Variants in CECR2 observed in about 807,000 individuals in gnomAD.
CECR2 encodes CECR2 histone acetyl-lysine reader, also known as chromatin remodeling regulator CECR2.
CECR2 carries 30 observed loss-of-function variants against 154.5 expected under a neutral mutation model. The observed-to-expected ratio is 0.19, with a 90% CI of 0.15 to 0.26. The LOEUF (loss-of-function observed/expected upper bound fraction) is 0.26, where lower values mean the gene tolerates loss of function less well. Ranked by LOEUF, CECR2 falls within the 10% of genes least tolerant of loss-of-function variation. CECR2 has a pLI of 1.00. For synonymous variants in CECR2, 725 were observed against 683.7 expected (o/e 1.06, Z -0.94); for missense variants, 1,743 against 1,829.3 (o/e 0.95, Z 0.86).
In CECR2 at chr22:17,497,441, A is replaced by G. The variant is rs768839952; in HGVS notation, c.260A>G (p.Asn87Ser). ...TFHSYLEDII[N>S]YRWELEEGKP... ...CACAGCTACCTAGAGGACATCATCA[A>G]CTACCGCTGGGAGCTCGAAGAAGGG... is the stretch of plus-strand genomic sequence containing the variant. Residue 87 changes from asparagine (N) to serine (S), a missense_variant, in exon 3 of 19, where the codon AAC (asparagine) becomes AGC (serine). Physicochemically the swap from Asn to Ser is conservative, Grantham distance 46. Around this residue, in one of 4 missense-constraint regions of CECR2, gnomAD observed 98 missense variants for 169.3 expected, o/e 0.58. Transcript: ENST00000262608. 5.9e-5 allele frequency: 96 copies of G among 1,613,812 alleles called. 1 individual carries two copies. Among genetic ancestry groups the G allele is most frequent in the Non-Finnish European group, 7.5e-5 (88 of 1,179,872 alleles).
chr22:17,549,011 G>A lies in CECR2; in HGVS notation c.3724G>A (p.Ala1242Thr), dbSNP rs2056662597. The A allele has an allele frequency of 6.2e-7, 1 of 1,613,974 alleles. No individual in the cohort carries two copies. Among genetic ancestry groups the A allele is most frequent in the Middle Eastern group, 1.6e-4 (1 of 6,062 alleles). The change falls in exon 17 of 19, where the codon GCC (alanine) becomes ACC (threonine). Residue 1242 changes from alanine to threonine, a missense_variant. By Grantham distance (58) the Ala-to-Thr change is moderately conservative. Coordinates refer to ENST00000262608, the MANE Select transcript of CECR2 (RefSeq NM_001290047.2). ...AAGGTCCCTCTTCTCAGATAAGAAT[G>A]CCATGGCCAGTCTGCAAGGCTGTGA... ...PPRSLFSDKN[A>T]MASLQGCETL...
chr22:17,470,189 A>T (rs1188760135), intron 1 of CECR2, among the ~76,000 whole-genome samples: 1 of 151,850 alleles, frequency 6.6e-6, no homozygotes, highest in Non-Finnish European at 1.5e-5. Context: ...TGTAATCCCA[A>T]CACTTTGGGA....
intron 1 of CECR2, among the ~76,000 whole-genome samples, chr22:17,405,468 A>ATAAAAT (rs2053968121): frequency 7.1e-6 from 1 of 140,536 alleles, no homozygotes; most frequent in Admixed American, 7.0e-5. Context: ...TATAAAATAA[A>ATAAAAT]ATAAAATATA....
At chr22:17,504,660 C>T (rs2055803738) in intron 6 of CECR2, among the ~76,000 whole-genome samples, 187 bp from the exon 7 acceptor site, 1 of 151,050 alleles carries the variant, frequency 6.6e-6, no homozygotes, top group Non-Finnish European at 1.5e-5. Context: ...CCAGGATGGT[C>T]TCGATCTCCT....
intron 12 of CECR2, 62 bp from the exon 13 acceptor site, chr22:17,538,931 C>G (rs2056479032): frequency 3.8e-6 from 6 of 1,560,200 alleles, no homozygotes; most frequent in Non-Finnish European, 5.2e-6. Context: ...CTGTCTCTCT[C>G]TCTCTATGGA....
At chr22:17,414,042 C>T (rs774964048) in intron 1 of CECR2, among the ~76,000 whole-genome samples, 6 of 139,988 alleles carry the variant, frequency 4.3e-5, no homozygotes, top group African/African-American at 8.0e-5. Context: ...GTGCAATCTC[C>T]GCTCACTGCA....
At position 17,417,220 on chromosome 22, in the gene CECR2, A is replaced by G. The variant is rs17808658; in HGVS notation, c.126+47311A>G. 7.9e-3 allele frequency among the ~76,000 whole-genome samples: 1,196 copies of G among 152,332 alleles called. 56 individuals carry two copies. The East Asian group carries it at 0.13, about 17-fold the overall frequency. On this transcript the variant is annotated intron_variant, in intron 1 of 18. Transcript: ENST00000262608. Reference sequence around the variant, plus strand: ...TTTAGATAAATTTAAATGTAGGCCTACCAACAACCATTGAGTGGCACTATC... The same window carrying G: ...TTTAGATAAATTTAAATGTAGGCCTGCCAACAACCATTGAGTGGCACTATC...
intron 1 of CECR2, among the ~76,000 whole-genome samples, chr22:17,391,810 TTTTG>T (rs2063328939): frequency 6.6e-6 from 1 of 152,230 alleles, no homozygotes; most frequent in African/African-American, 2.4e-5. Flanking sequence ...ATACAGATGC[TTTTG>T]TTTGTTTGAG....
intron 1 of CECR2, among the ~76,000 whole-genome samples, chr22:17,413,868 A>AG (rs2054104888): frequency 1.4e-5 from 2 of 145,480 alleles, no homozygotes; most frequent in Admixed American, 1.4e-4. Flanking sequence ...TAGTAGAGAC[A>AG]GGGTTTCACC....
At chr22:17,548,105 G>A in intron 16 of CECR2, 43 bp from the exon 17 acceptor site, 2 of 1,457,544 alleles carry the variant, frequency 1.4e-6, no homozygotes, top group East Asian at 2.5e-5. Flanking sequence ...TGTCATTTCA[G>A]CTACTGAGTT....
intron 2 of CECR2, among the ~76,000 whole-genome samples, chr22:17,486,857 C>A (rs148138892): frequency 2.6e-5 from 4 of 152,310 alleles, no homozygotes; most frequent in Non-Finnish European, 5.9e-5. Flanking sequence ...CCTTACCACA[C>A]AATCACCTAA....
At chr22:17,467,197 C>T (rs1471449306) in intron 1 of CECR2, among the ~76,000 whole-genome samples, 2 of 152,192 alleles carry the variant, frequency 1.3e-5, no homozygotes, top group Non-Finnish European at 2.9e-5. Context: ...TCACTTCACT[C>T]ATATTTCATT....
At chr22:17,383,118 C>G (rs1423295784) in intron 1 of CECR2, among the ~76,000 whole-genome samples, 2 of 151,888 alleles carry the variant, frequency 1.3e-5, no homozygotes, top group East Asian at 3.9e-4. Context: ...CCCAGCTGCT[C>G]AGAGGCTGAG....
At chr22:17,369,403 T>A (rs1354109443), upstream of CECR2, 4 of 149,104 alleles carry the variant, frequency 2.7e-5, no homozygotes, top group Non-Finnish European at 5.9e-5. Context: ...CCCCGCCCCC[T>A]CCTCGTGGGC....
chr22:17,500,847 C>T, intron 5 of CECR2, 112 bp downstream of exon 5: 1 of 727,216 alleles, frequency 1.4e-6, no homozygotes, highest in South Asian at 2.0e-5. Context: ...ATTATAGCAA[C>T]CTGAAACTGA....
intron 8 of CECR2, among the ~76,000 whole-genome samples, chr22:17,522,859 G>A (rs1432252459): frequency 1.3e-5 from 2 of 152,102 alleles, no homozygotes; most frequent in Admixed American, 6.6e-5. Context: ...ACAAAAATTA[G>A]CTAGGCGTGG....
At chr22:17,463,955 T>C (rs11703558) in intron 1 of CECR2, among the ~76,000 whole-genome samples, 47,155 of 151,870 alleles carry the variant, frequency 0.31, 7,545 homozygotes, top group East Asian at 0.42. Flanking sequence ...AGTGCGGTGG[T>C]GGGTGGGTGT....
chr22:17,445,543 T>TTTATTATTATTA lies in CECR2; in HGVS notation c.127-32006_127-31995dup, dbSNP rs3994823. Among the ~76,000 whole-genome samples the TTTATTATTATTA allele has an allele frequency of 1.8e-3, 252 of 141,460 alleles. 3 individuals carry two copies. Among genetic ancestry groups the TTTATTATTATTA allele is most frequent in the Non-Finnish European group, 2.3e-3 (152 of 65,010 alleles). The allele number at this position is 141,460 out of a possible 152,430, so 92.8% of individuals were successfully genotyped here. A position where few individuals can be genotyped will look rare whatever the true frequency, so the allele number is the denominator to read the frequency against. ...AACCTATGCACATTCTGCTCTATAC[T>TTTATTATTATTA]TTATTATTATTATTATTATTATTAT... On this transcript the variant is annotated intron_variant, in intron 1 of 18. Transcript: ENST00000262608.
rs1196925978 is a variant in CECR2 at position 17,542,373 on chromosome 22, C to T, written c.2230C>T (p.Arg744Trp). The change falls in exon 16 of 19, where the codon CGG becomes TGG. Residue 744 changes from arginine (R) to tryptophan (W), a missense_variant. Arg to Trp is a moderately radical substitution (Grantham distance 101). Transcript: ENST00000262608. ...IPPRHGGAPA[R>W]PPDFPESSEI... The stretch of plus-strand genomic sequence containing the variant: ...TCCCCGGCATGGGGGGGCTCCAGCC[C>T]GGCCACCAGACTTTCCTGAAAGCTC... 15 of 1,613,664 alleles carry T rather than the reference C, an allele frequency of 9.3e-6. No homozygotes were observed. Among genetic ancestry groups the T allele is most frequent in the East Asian group, 2.2e-5 (1 of 44,896 alleles).
Sources: allele counts gnomAD v4.1 joint callset (sites outside exome capture counted in the v4.1 genomes callset), GRCh38; gene constraint gnomAD v4.1.1; regional missense constraint gnomAD v4.1.1; transcripts MANE v1.5; gene names NCBI Gene and HGNC (gene_info 2026-07-23, HGNC 2026-07-21).